Variants in GALNT2 observed in about 807,000 individuals in gnomAD.
GALNT2 encodes polypeptide N-acetylgalactosaminyltransferase 2, also known as UDP-GalNAc:polypeptide N-acetylgalactosaminyltransferase 2.
In GALNT2, 31 loss-of-function variants were observed where a neutral mutation model predicts 81.4. That is an observed-to-expected ratio of 0.38 (90% confidence interval 0.29 to 0.51). The LOEUF is 0.51. Among genes scored for constraint, GALNT2 ranks in the 20% least tolerant of loss-of-function variants. The pLI, the probability that GALNT2 is intolerant of heterozygous loss-of-function variation, is 0.87. For synonymous variants in GALNT2, 303 were observed against 287.4 expected (o/e 1.05, Z -0.55); for missense variants, 629 against 765.7 (o/e 0.82, Z 2.11).
intron 1 of GALNT2, among the ~76,000 whole-genome samples, chr1:230,174,382 G>A (rs1403844955): frequency 6.6e-6 from 1 of 152,100 alleles, no homozygotes; most frequent in Non-Finnish European, 1.5e-5. Flanking sequence ...ATTACCCGGG[G>A]CCTTTTCACA....
intron 1 of GALNT2, among the ~76,000 whole-genome samples, chr1:230,157,514 G>A (rs1419399995): frequency 6.6e-6 from 1 of 152,196 alleles, no homozygotes; most frequent in Non-Finnish European, 1.5e-5. Context: ...GGAAATTTAT[G>A]TGCTCTTGGG....
intron 1 of GALNT2, among the ~76,000 whole-genome samples, chr1:230,159,732 G>C (rs923160620): frequency 2.0e-5 from 3 of 152,192 alleles, no homozygotes; most frequent in Non-Finnish European, 4.4e-5. Context: ...AGTGCCTGTC[G>C]GTCAGCTTGA....
intron 3 of GALNT2, 42 bp from the exon 4 acceptor site, chr1:230,235,959 AGCTGTGGCTGCTC>A: frequency 1.3e-6 from 2 of 1,546,188 alleles, no homozygotes; most frequent in South Asian, 2.3e-5. Flanking sequence ...GGGCTAAACA[AGCTGTGGCTGCTC>A]TGGGGGTCAT....
intron 1 of GALNT2, among the ~76,000 whole-genome samples, chr1:230,060,441 A>C (rs1009138821): frequency 6.6e-6 from 1 of 151,984 alleles, no homozygotes; most frequent in Non-Finnish European, 1.5e-5. Flanking sequence ...TATCCATCTG[A>C]CCCTCATAAG....
intron 1 of GALNT2, among the ~76,000 whole-genome samples, chr1:230,123,429 A>G (rs977461157): frequency 6.6e-6 from 1 of 152,306 alleles, no homozygotes; most frequent in African/African-American, 2.4e-5. Flanking sequence ...TACTTTGAAG[A>G]GGGGCACATG....
chr1:230,123,095 A>G (rs920695949), intron 1 of GALNT2, among the ~76,000 whole-genome samples: 1 of 152,168 alleles, frequency 6.6e-6, no homozygotes, highest in Non-Finnish European at 1.5e-5. Context: ...GAGACTTCAC[A>G]CTTATTTTCA....
At chr1:230,127,739 A>G (rs1322508585) in intron 1 of GALNT2, among the ~76,000 whole-genome samples, 1 of 139,268 alleles carries the variant, frequency 7.2e-6, no homozygotes, top group Non-Finnish European at 1.5e-5. Flanking sequence ...TGGTTGCTGT[A>G]ATCCTCCTCA....
intron 1 of GALNT2, among the ~76,000 whole-genome samples, chr1:230,169,676 C>G (rs1441022477): frequency 6.6e-6 from 1 of 152,222 alleles, no homozygotes; most frequent in Non-Finnish European, 1.5e-5. Flanking sequence ...GACTTCAGCA[C>G]AAGTCATTGT....
intron 1 of GALNT2, among the ~76,000 whole-genome samples, chr1:230,101,302 T>C (rs1660395925): frequency 6.6e-6 from 1 of 152,260 alleles, no homozygotes; most frequent in Non-Finnish European, 1.5e-5. Context: ...TTCTGGCTTT[T>C]TCCATAAATG....
chr1:230,276,039 ATATACATGCCACATATATATACG>A (rs1490099139), intron 15 of GALNT2, among the ~76,000 whole-genome samples: 2 of 121,608 alleles, frequency 1.6e-5, no homozygotes, highest in East Asian at 2.2e-4. Flanking sequence ...ATATATACGT[ATATACATGCCACATATATATACG>A]TATATATACA....
chr1:230,234,360 G>A (rs76981936), intron 3 of GALNT2, among the ~76,000 whole-genome samples: 6,733 of 152,224 alleles, frequency 0.044, 194 homozygotes, highest in Non-Finnish European at 0.064. Context: ...TTCTTTCAAA[G>A]CACTCAGCAT....
intron 2 of GALNT2, among the ~76,000 whole-genome samples, chr1:230,200,153 C>G: frequency 6.6e-6 from 1 of 151,350 alleles, no homozygotes; most frequent in East Asian, 1.9e-4. Context: ...ACCTCCGCCT[C>G]CCAGGTTCAA....
chr1:230,248,093 C>T (rs16851200), intron 8 of GALNT2, among the ~76,000 whole-genome samples: 6,727 of 152,256 alleles, frequency 0.044, 193 homozygotes, highest in Non-Finnish European at 0.064. Context: ...CCTGAGGCCA[C>T]TCTATCCTGC....
At chr1:230,256,445 CA>C (rs35831707) in intron 11 of GALNT2, among the ~76,000 whole-genome samples, 51,015 of 108,226 alleles carry the variant, frequency 0.47, 8,686 homozygotes, top group East Asian at 0.63. Context: ...GACTCTGTCT[CA>C]AAAAAAAAAA....
rs1666147523 is a variant in GALNT2 at position 230,271,034 on chromosome 1, C to T, written c.1441-3411C>T. On this transcript the variant is annotated intron_variant, in intron 14 of 15. Coordinates refer to ENST00000366672, the MANE Select transcript of GALNT2 (RefSeq NM_004481.5). This position sits in a 1 kb window ranked among gnomAD's most constrained non-coding sequence, Gnocchi z 4.2. ...TGATCTTTAACTGGGTGTCAGCAGA[C>T]CATCCAGCATCCGCCAACACCTGCT... Among the ~76,000 whole-genome samples, 1 of 152,190 alleles carries T rather than the reference C, an allele frequency of 6.6e-6. No individual in the cohort carries two copies. Among genetic ancestry groups the T allele is most frequent in the Non-Finnish European group, 1.5e-5 (1 of 68,036 alleles).
chr1:230,188,724 T>C (rs939358989), intron 2 of GALNT2, among the ~76,000 whole-genome samples: 1 of 152,254 alleles, frequency 6.6e-6, no homozygotes, highest in Non-Finnish European at 1.5e-5. Flanking sequence ...CCCTTGCTTC[T>C]ATTTCAGCAT....
At position 230,231,525 on chromosome 1, in the gene GALNT2, C is replaced by T. The variant is rs1040638001; in HGVS notation, c.375-4489C>T. On this transcript the variant is annotated intron_variant, in intron 3 of 15. Coordinates refer to ENST00000366672, the MANE Select transcript of GALNT2 (RefSeq NM_004481.5). ...GGAGCTTCCCAGTCCAAAGAGCTTGCGTTTGGTTATTTCATCAATGTCTTG... is the reference window on the plus strand; with the variant it reads ...GGAGCTTCCCAGTCCAAAGAGCTTGTGTTTGGTTATTTCATCAATGTCTTG... 5.9e-5 allele frequency among the ~76,000 whole-genome samples: 9 copies of T among 152,276 alleles called. 1 individual carries two copies. Among genetic ancestry groups the T allele is most frequent in the South Asian group, 4.2e-4 (2 of 4,812 alleles).
intron 1 of GALNT2, among the ~76,000 whole-genome samples, chr1:230,135,484 C>T (rs1311448548): frequency 6.6e-6 from 1 of 152,190 alleles, no homozygotes; most frequent in Admixed American, 6.5e-5. Context: ...GGTGAATTGT[C>T]AGGCATGAGC....
chr1:230,134,556 C>T (rs778405128), intron 1 of GALNT2, among the ~76,000 whole-genome samples: 6 of 152,204 alleles, frequency 3.9e-5, no homozygotes, highest in Non-Finnish European at 8.8e-5. Flanking sequence ...CCTCTCAAAC[C>T]TCCCCTCATT....
Sources: allele counts gnomAD v4.1 joint callset (sites outside exome capture counted in the v4.1 genomes callset), GRCh38; gene constraint gnomAD v4.1.1; non-coding constraint Gnocchi (gnomAD v3.1); transcripts MANE v1.5; gene names NCBI Gene and HGNC (gene_info 2026-07-23, HGNC 2026-07-21).